PCDHGA11: variants seen among roughly 807,000 people sequenced by gnomAD.
PCDHGA11 encodes the protein protocadherin gamma subfamily A, 11.
PCDHGA11 carries 39 observed loss-of-function variants against 60.4 expected under a neutral mutation model. That is an observed-to-expected ratio of 0.65 (90% CI 0.50 to 0.84). PCDHGA11 has a LOEUF of 0.84. Among genes scored for constraint, PCDHGA11 ranks in the 40% least tolerant of loss-of-function variants. The pLI, the probability that PCDHGA11 is intolerant of heterozygous loss-of-function variation, is 0.00. For synonymous variants in PCDHGA11, 533 were observed against 510.3 expected (o/e 1.04, Z -0.60); for missense variants, 1,165 against 1,197.7 (o/e 0.97, Z 0.40).
At chr5:141,456,119 C>G (rs902179639) in intron 1 of PCDHGA11, among the ~76,000 whole-genome samples, 3 of 151,826 alleles carry the variant, frequency 2.0e-5, no homozygotes, top group Non-Finnish European at 4.4e-5. Flanking sequence ...GGATGGTCTC[C>G]ATCTCCTGAC....
At position 141,487,557 on chromosome 5, in the gene PCDHGA11, T is replaced by C. The variant is rs751511771; in HGVS notation, c.2434-7250T>C. On this transcript the variant is annotated intron_variant, in intron 1 of 3. Coordinates refer to ENST00000398587, the MANE Select transcript of PCDHGA11 (RefSeq NM_018914.3). The surrounding 1 kb of genome is among the most constrained non-coding windows in gnomAD (Gnocchi z 5.0). The stretch of plus-strand genomic sequence containing the variant: ...ATGGTGAAGTCACCCAGTGCACCTA[T>C]GGCAGGGGAGCCTGTTCGCCCAAGC... The C allele has an allele frequency of 1.9e-5, 31 of 1,614,060 alleles. No homozygotes were observed. In the East Asian group the frequency reaches 4.2e-4, roughly 22 times the overall value.
intron 1 of PCDHGA11, among the ~76,000 whole-genome samples, chr5:141,437,829 C>T (rs2097913718): frequency 6.6e-6 from 1 of 151,986 alleles, no homozygotes; most frequent in Admixed American, 6.6e-5. Flanking sequence ...CCTCTGCCTC[C>T]TGGGTTCATG....
In PCDHGA11 at chr5:141,490,858, G is replaced by C. The variant is rs775132338; in HGVS notation, c.2434-3949G>C. On this transcript the variant is annotated intron_variant, in intron 1 of 3. Coordinates refer to ENST00000398587, the MANE Select transcript of PCDHGA11 (RefSeq NM_018914.3). The surrounding 1 kb of genome is among the most constrained non-coding windows in gnomAD (Gnocchi z 5.4). ...GATTGTGGTGGGGGTTCGAGACTCC[G>C]GCTCTCCCCCATTGCATGCCAACAC... The C allele has an allele frequency of 1.5e-5, 24 of 1,613,704 alleles. 1 individual carries two copies. Among genetic ancestry groups the C allele is most frequent in the Non-Finnish European group, 2.0e-5 (24 of 1,179,918 alleles).
In PCDHGA11 at chr5:141,493,103, A is replaced by G. The variant is rs1396614836; in HGVS notation, c.2434-1704A>G. Among the ~76,000 whole-genome samples the G allele has an allele frequency of 6.6e-6, 1 of 152,086 alleles. No homozygotes were observed. The highest frequency in any genetic ancestry group is 1.5e-5 in the Non-Finnish European group (1 of 68,022). On this transcript the variant is annotated intron_variant, in intron 1 of 3. Transcript: ENST00000398587. The surrounding 1 kb of genome is among the most constrained non-coding windows in gnomAD (Gnocchi z 4.3). ...AGGAGCTTTTATTCAAAATATATCA[A>G]TGCCTAACTCTGCTCCTAGGACTGT...
At chr5:141,439,741 A>C (rs1303886454) in intron 1 of PCDHGA11, 1 of 152,352 alleles carries the variant, frequency 6.6e-6, no homozygotes, top group African/African-American at 2.4e-5. Flanking sequence ...AACGGAACGG[A>C]TTTACAGGCA....
chr5:141,457,337 TTAC>T (rs1446765287), intron 1 of PCDHGA11, among the ~76,000 whole-genome samples: 2 of 152,202 alleles, frequency 1.3e-5, no homozygotes, highest in Non-Finnish European at 2.9e-5. Flanking sequence ...GGTACCTTAC[TTAC>T]TTTCATTACC....
At chr5:141,509,720 A>G (rs916316577) in intron 3 of PCDHGA11, among the ~76,000 whole-genome samples, 6 of 151,974 alleles carry the variant, frequency 3.9e-5, no homozygotes, top group Admixed American at 3.3e-4. Context: ...GTCTGATGTC[A>G]CCTAGCTGTG....
Position 141,422,850 on chromosome 5 carries a change from G to C in PCDHGA11, c.1623G>C (p.Pro541=), listed in dbSNP as rs184432819. The C allele has an allele frequency of 1.9e-5, 30 of 1,614,086 alleles. No homozygotes were observed. Among genetic ancestry groups the C allele is most frequent in the Middle Eastern group, 1.6e-4 (1 of 6,084 alleles). Reference sequence around the variant, plus strand: ...TGATAGCACGTGACAGCGGGGACCCGCCCCTCAGCAGCAACGTGTCGCTGA... The same window carrying C: ...TGATAGCACGTGACAGCGGGGACCCCCCCCTCAGCAGCAACGTGTCGCTGA... The part of the protein sequence containing the change: ...LRVIARDSGD[P]PLSSNVSLSL... The change falls in exon 1 of 4, where the codon CCG becomes CCC. Residue 541 remains proline, a synonymous_variant. Transcript: ENST00000398587.
At chr5:141,503,916 C>T (rs1372491893) in intron 2 of PCDHGA11, among the ~76,000 whole-genome samples, 1 of 152,246 alleles carries the variant, frequency 6.6e-6, no homozygotes, top group African/African-American at 2.4e-5. Context: ...CAACGCAACA[C>T]ACACACAGAC....
chr5:141,422,472 G>A lies in PCDHGA11; in HGVS notation c.1245G>A (p.Leu415=), dbSNP rs772474296. Residue 415 remains leucine (L), a synonymous_variant, in exon 1 of 4, where the codon TTG becomes TTA. Transcript: ENST00000398587. The part of the protein sequence containing the change: ...LITSRVLDRE[L]VQSYNITLTA... ...CAAGCAGAGTGCTGGACAGGGAGTTGGTCCAGAGCTACAATATAACGTTGA... is the reference window on the plus strand; with the variant it reads ...CAAGCAGAGTGCTGGACAGGGAGTTAGTCCAGAGCTACAATATAACGTTGA... 75 of 1,613,562 alleles carry A rather than the reference G, an allele frequency of 4.6e-5. 3 individuals are homozygous for A. In the South Asian group the frequency reaches 8.1e-4, roughly 17 times the overall value.
In PCDHGA11 at chr5:141,493,577, T is replaced by C. The variant is rs2099749081; in HGVS notation, c.2434-1230T>C. On this transcript the variant is annotated intron_variant, in intron 1 of 3. Coordinates refer to ENST00000398587, the MANE Select transcript of PCDHGA11 (RefSeq NM_018914.3). This position sits in a 1 kb window ranked among gnomAD's most constrained non-coding sequence, Gnocchi z 4.3. ...GAGTTCCCCCAGCTCCGTTTCCTCC[T>C]ATCACAATCACTGCATTTCCATGTA... Among the ~76,000 whole-genome samples, 2 of 152,208 alleles carry C rather than the reference T, an allele frequency of 1.3e-5. No homozygotes were observed. The highest frequency in any genetic ancestry group is 1.3e-4 in the Admixed American group (2 of 15,280).
intron 1 of PCDHGA11, among the ~76,000 whole-genome samples, chr5:141,436,243 TA>T (rs1428637183): frequency 6.6e-6 from 1 of 152,154 alleles, no homozygotes; most frequent in Non-Finnish European, 1.5e-5. Context: ...TAACATGGTC[TA>T]ATTATTCTGA....
intron 1 of PCDHGA11, chr5:141,424,778 T>G (rs1009835492): frequency 1.3e-5 from 2 of 152,166 alleles, no homozygotes; most frequent in African/African-American, 4.8e-5. Flanking sequence ...AATAGTACAT[T>G]CAGTTCTTTT....
chr5:141,499,689 C>CTTTT (rs545067566), intron 2 of PCDHGA11, among the ~76,000 whole-genome samples: 17 of 119,848 alleles, frequency 1.4e-4, no homozygotes, highest in East Asian at 2.4e-4. Context: ...TAACAGATGA[C>CTTTT]TTTTTTTTTT....
chr5:141,475,990 A>T, intron 1 of PCDHGA11: 1 of 1,140,672 alleles, frequency 8.8e-7, no homozygotes, highest in Non-Finnish European at 1.2e-6. Context: ...CGGCGAGCAA[A>T]TCAACGGCAT....
rs1028782991 is a variant in PCDHGA11, at chr5:141,503,926, C to T, written c.2493-1467C>T. 2.6e-5 allele frequency among the ~76,000 whole-genome samples: 4 copies of T among 152,196 alleles called. No individual in the cohort carries two copies. The East Asian group carries it at 7.7e-4, about 29-fold the overall frequency. ...ACACACAACGCAACACACACACAGA[C>T]ATTTTCATGCCTTCAAGGCCTACCC... On this transcript the variant is annotated intron_variant, in intron 2 of 3. Coordinates refer to ENST00000398587, the MANE Select transcript of PCDHGA11 (RefSeq NM_018914.3).
intron 1 of PCDHGA11, chr5:141,475,832 T>C: frequency 2.4e-6 from 1 of 410,610 alleles, no homozygotes; most frequent in Non-Finnish European, 4.4e-6. Flanking sequence ...CTAGCGCGTG[T>C]CCTGCTCAGA....
In PCDHGA11 at chr5:141,506,176, C is replaced by T. The variant is rs183157987; in HGVS notation, c.2581+695C>T. ...CCTTAAGAGCACAGCCTAAGCTGGG[C>T]GTGGTGGCTCACGCCTGTAATCCCA... is the stretch of plus-strand genomic sequence containing the variant. On this transcript the variant is annotated intron_variant, in intron 3 of 3. Coordinates refer to ENST00000398587, the MANE Select transcript of PCDHGA11 (RefSeq NM_018914.3). Among the ~76,000 whole-genome samples the T allele has an allele frequency of 3.0e-3, 454 of 152,234 alleles. 1 individual carries two copies. The highest frequency in any genetic ancestry group is 0.021 in the Admixed American group (317 of 15,296).
chr5:141,430,720 T>G, intron 1 of PCDHGA11: 1 of 1,486,390 alleles, frequency 6.7e-7, no homozygotes, highest in East Asian at 2.4e-5. Flanking sequence ...ACTTCAGTGG[T>G]TAAGGGCAGA....
Sources: gnomAD v4.1 joint callset for allele counts (sites outside exome capture counted in the v4.1 genomes callset) on GRCh38, gnomAD v4.1.1 for gene constraint, Gnocchi (gnomAD v3.1) non-coding constraint, MANE v1.5 for transcripts, NCBI Gene and HGNC (gene_info 2026-07-23, HGNC 2026-07-21) for gene names.